Variants in TASP1 observed in about 807,000 individuals in gnomAD.
TASP1 encodes taspase 1, also known as threonine aspartase 1.
A neutral mutation model predicts 56.6 loss-of-function variants in TASP1; 16 were observed. That is an observed-to-expected ratio of 0.28 (90% CI 0.19 to 0.43). TASP1 has a LOEUF of 0.43. TASP1 is among the 20% of genes least tolerant of loss of function. The pLI is 1.00. For missense variants in TASP1, 393 were observed against 511.6 expected (o/e 0.77, Z 2.24); for synonymous variants, 179 against 184.2 (o/e 0.97, Z 0.23).
the TASP1 span, among the ~76,000 whole-genome samples, chr20:13,376,423 C>T: frequency 6.6e-6 from 1 of 151,918 alleles, no homozygotes; most frequent in Non-Finnish European, 1.5e-5. Flanking sequence ...TGTTCTGTTC[C>T]ATTGGTCTAT....
At chr20:13,153,991 G>GT in the TASP1 span, 11 of 1,612,914 alleles carry the variant, frequency 6.8e-6, no homozygotes, top group Non-Finnish European at 9.3e-6. Context: ...TTTCACGCCT[G>GT]TCTCTTTTCA....
chr20:13,611,399 G>C (rs921171362), intron 4 of TASP1, among the ~76,000 whole-genome samples: 2 of 152,164 alleles, frequency 1.3e-5, no homozygotes, highest in East Asian at 1.9e-4. Flanking sequence ...AAAAATTTTA[G>C]AGTGATATAC....
chr20:13,159,970 CT>C, the TASP1 span: 9,986 of 1,107,114 alleles, frequency 9.0e-3, 20 homozygotes, highest in African/African-American at 0.029. Context: ...CAACTAACCA[CT>C]TTTTTTTTTT....
the TASP1 span, among the ~76,000 whole-genome samples, chr20:13,259,795 T>C: frequency 2.6e-5 from 4 of 152,220 alleles, no homozygotes; most frequent in African/African-American, 9.6e-5. Flanking sequence ...TGAAGATACA[T>C]GCTCCTACAG....
At chr20:13,482,531 C>T (rs1490682709) in intron 11 of TASP1, among the ~76,000 whole-genome samples, 1 of 152,162 alleles carries the variant, frequency 6.6e-6, no homozygotes, top group Non-Finnish European at 1.5e-5. Flanking sequence ...TTCTTCCAAT[C>T]CATACACATG....
intron 10 of TASP1, among the ~76,000 whole-genome samples, chr20:13,523,229 A>C (rs917511210): frequency 6.6e-6 from 1 of 152,210 alleles, no homozygotes; most frequent in African/African-American, 2.4e-5. Flanking sequence ...CTGAGTCCTC[A>C]GTAGAATAGG....
At chr20:13,112,515 T>A in the TASP1 span, among the ~76,000 whole-genome samples, 1 of 152,124 alleles carries the variant, frequency 6.6e-6, no homozygotes, top group Non-Finnish European at 1.5e-5. Flanking sequence ...CCCTACCCCC[T>A]GATGGAGGAT....
At chr20:13,409,914 T>C (rs1021689244) in intron 13 of TASP1, among the ~76,000 whole-genome samples, 2 of 152,190 alleles carry the variant, frequency 1.3e-5, no homozygotes, top group African/African-American at 2.4e-5. Context: ...TATCAAAAAT[T>C]AGAACTCATA....
the TASP1 span, among the ~76,000 whole-genome samples, chr20:13,172,600 A>G: frequency 6.6e-6 from 1 of 152,162 alleles, no homozygotes; most frequent in Non-Finnish European, 1.5e-5. Context: ...TAAATACCTC[A>G]TCAGCAATAC....
intron 13 of TASP1, among the ~76,000 whole-genome samples, chr20:13,400,614 C>A (rs1055342688): frequency 6.6e-6 from 1 of 152,160 alleles, no homozygotes; most frequent in Non-Finnish European, 1.5e-5. Context: ...AACATTGCAG[C>A]AGACAGTGCA....
At chr20:13,438,138 G>A (rs1257705525) in intron 11 of TASP1, among the ~76,000 whole-genome samples, 2 of 151,930 alleles carry the variant, frequency 1.3e-5, no homozygotes, top group Non-Finnish European at 2.9e-5. Context: ...TTTCTTTACA[G>A]AATTGGAAAA....
chr20:13,307,529 A>T, the TASP1 span, among the ~76,000 whole-genome samples: 910 of 152,302 alleles, frequency 6.0e-3, 8 homozygotes, highest in African/African-American at 0.021. Flanking sequence ...CTTTGTATGT[A>T]AATTTTACCA....
the TASP1 span, among the ~76,000 whole-genome samples, chr20:13,281,146 GAGCAAATGCTGTGTCC>G: frequency 9.2e-5 from 14 of 152,298 alleles, no homozygotes; most frequent in East Asian, 2.7e-3. Flanking sequence ...CATTTATTAA[GAGCAAATGCTGTGTCC>G]AGCACTATGC....
chr20:13,379,670 T>C, the TASP1 span, among the ~76,000 whole-genome samples: 4 of 152,198 alleles, frequency 2.6e-5, no homozygotes, highest in African/African-American at 9.7e-5. Flanking sequence ...TGAAGAGCGT[T>C]TTCCAACTTG....
At chr20:13,112,606 G>C in the TASP1 span, among the ~76,000 whole-genome samples, 2 of 152,170 alleles carry the variant, frequency 1.3e-5, no homozygotes, top group African/African-American at 2.4e-5. Flanking sequence ...AATCAACCTG[G>C]TGATGACACA....
At chr20:13,489,783 T>C (rs2043457516) in intron 10 of TASP1, among the ~76,000 whole-genome samples, 1 of 152,234 alleles carries the variant, frequency 6.6e-6, no homozygotes, top group African/African-American at 2.4e-5. Flanking sequence ...CATTTAACCA[T>C]TTTTAAAGTA....
chr20:13,492,934 A>G (rs1230198592), intron 10 of TASP1, among the ~76,000 whole-genome samples: 1 of 152,222 alleles, frequency 6.6e-6, no homozygotes, highest in Non-Finnish European at 1.5e-5. Context: ...AAACACAGAT[A>G]TCTAGAGCAC....
At chr20:13,160,196 T>A in the TASP1 span, 1 of 1,521,244 alleles carries the variant, frequency 6.6e-7, no homozygotes, top group Non-Finnish European at 8.9e-7. Flanking sequence ...CAAGTCCTTT[T>A]GTTGAGACAG....
chr20:13,362,372 C>T, the TASP1 span, among the ~76,000 whole-genome samples: 12 of 151,904 alleles, frequency 7.9e-5, no homozygotes, highest in Non-Finnish European at 1.5e-4. Context: ...GATGAAATTC[C>T]ACAACAAAAG....
Sources: gnomAD v4.1 joint callset for allele counts (sites outside exome capture counted in the v4.1 genomes callset) on GRCh38, gnomAD v4.1.1 for gene constraint, MANE v1.5 for transcripts, NCBI Gene and HGNC (gene_info 2026-07-23, HGNC 2026-07-21) for gene names.